STPG2: variants seen among roughly 807,000 people sequenced by gnomAD.
The protein encoded by STPG2 is sperm tail PG-rich repeat containing 2, also known as sperm-tail PG-rich repeat-containing protein 2.
Under a neutral mutation model 54.2 loss-of-function variants are expected in STPG2, and 56 were observed. The ratio of observed to expected loss-of-function variants is 1.03; its 90% CI spans 0.83 to 1.29. The LOEUF (loss-of-function observed/expected upper bound fraction) is 1.29, where lower values mean the gene tolerates loss of function less well. STPG2 is among the 50% of genes most tolerant of loss of function. STPG2 has a pLI of 0.00. For synonymous variants in STPG2, 200 were observed against 181.8 expected, an observed-to-expected ratio of 1.10 and a Z score of -0.81; for missense variants, 596 against 544.9, an observed-to-expected ratio of 1.09 and a Z score of -0.93.
chr4:97,967,871 G>A (rs530189369), intron 7 of STPG2, among the ~76,000 whole-genome samples: 1 of 152,046 alleles, frequency 6.6e-6, no homozygotes, highest in South Asian at 2.1e-4. Context: ...GGTGTAGAGG[G>A]AAATTTATAC....
At chr4:97,769,406 T>A (rs1038414892) in intron 9 of STPG2, among the ~76,000 whole-genome samples, 1 of 152,104 alleles carries the variant, frequency 6.6e-6, no homozygotes, top group African/African-American at 2.4e-5. Flanking sequence ...AACTTCCTCA[T>A]CAACCCCCAG....
chr4:97,694,637 T>C (rs2148991980), intron 10 of STPG2, among the ~76,000 whole-genome samples: 1 of 149,936 alleles, frequency 6.7e-6, no homozygotes, highest in Middle Eastern at 3.4e-3. Context: ...TGAAACCCCG[T>C]CTCTATTAAA....
At chr4:97,829,710 A>G (rs493780) in intron 9 of STPG2, among the ~76,000 whole-genome samples, 88,540 of 151,826 alleles carry the variant, frequency 0.58, 26,389 homozygotes, top group East Asian at 0.74. Flanking sequence ...AACACAGCAC[A>G]AGAATTTCAT....
At chr4:97,816,968 A>G (rs974608557) in intron 9 of STPG2, among the ~76,000 whole-genome samples, 17 of 147,390 alleles carry the variant, frequency 1.2e-4, no homozygotes, top group Non-Finnish European at 2.4e-4. Flanking sequence ...TATATTATAT[A>G]TTTTATATAT....
At chr4:97,758,823 T>C (rs1387852434) in intron 9 of STPG2, among the ~76,000 whole-genome samples, 4 of 152,116 alleles carry the variant, frequency 2.6e-5, no homozygotes, top group African/African-American at 9.7e-5. Flanking sequence ...GGTTTTATTT[T>C]GTTCTGGCAT....
At chr4:97,683,632 A>C (rs1174783321) in intron 10 of STPG2, among the ~76,000 whole-genome samples, 1 of 151,812 alleles carries the variant, frequency 6.6e-6, no homozygotes, top group Non-Finnish European at 1.5e-5. Context: ...CTTGAAAAAT[A>C]ACATCTACAA....
intron 10 of STPG2, among the ~76,000 whole-genome samples, chr4:97,645,847 A>G (rs556301764): frequency 2.6e-4 from 40 of 152,138 alleles, no homozygotes; most frequent in Non-Finnish European, 4.7e-4. Flanking sequence ...GATAAAAATT[A>G]GTACTGTAAA....
At chr4:97,589,761 C>T (rs1004919966) in intron 10 of STPG2, among the ~76,000 whole-genome samples, 1 of 152,158 alleles carries the variant, frequency 6.6e-6, no homozygotes, top group African/African-American at 2.4e-5. Flanking sequence ...ATTAAGTGCA[C>T]ATACAAGTGT....
intron 7 of STPG2, among the ~76,000 whole-genome samples, chr4:97,967,298 T>TCAA (rs1159139919): frequency 6.6e-6 from 1 of 151,836 alleles, no homozygotes; most frequent in Non-Finnish European, 1.5e-5. Flanking sequence ...AGGGATCAAT[T>TCAA]CAACAAAAAG....
intron 5 of STPG2, among the ~76,000 whole-genome samples, chr4:98,034,548 T>C (rs1736708114): frequency 6.6e-6 from 1 of 152,120 alleles, no homozygotes; most frequent in Admixed American, 6.6e-5. Context: ...GATTCAATGC[T>C]ATCCGCATCA....
intron 9 of STPG2, among the ~76,000 whole-genome samples, chr4:97,752,936 C>G (rs978078963): frequency 6.6e-6 from 1 of 151,782 alleles, no homozygotes; most frequent in Non-Finnish European, 1.5e-5. Context: ...CAGATGTAAA[C>G]TATCTCAATT....
chr4:97,735,891 T>C (rs1424327341), intron 9 of STPG2, among the ~76,000 whole-genome samples: 1 of 152,004 alleles, frequency 6.6e-6, no homozygotes, highest in East Asian at 1.9e-4. Flanking sequence ...AGGACCTAAG[T>C]AGATATTTCT....
At chr4:97,473,362 G>T (rs1169116771) in intron 4 of STPG2, among the ~76,000 whole-genome samples, 1 of 152,136 alleles carries the variant, frequency 6.6e-6, no homozygotes. Context: ...GCCCCTGAGG[G>T]TAGGCCTCGA....
chr4:98,089,702 A>T (rs561320070), intron 5 of STPG2, among the ~76,000 whole-genome samples: 1 of 138,294 alleles, frequency 7.2e-6, no homozygotes, highest in Non-Finnish European at 1.6e-5. Flanking sequence ...CGCTAGATCC[A>T]TGCCAACATC....
chr4:97,946,946 G>T (rs1303855441), intron 7 of STPG2, among the ~76,000 whole-genome samples: 1 of 152,060 alleles, frequency 6.6e-6, no homozygotes, highest in Non-Finnish European at 1.5e-5. Flanking sequence ...CTGGTATTTT[G>T]ATAGGAATTG....
intron 10 of STPG2, among the ~76,000 whole-genome samples, chr4:97,675,627 C>CTCTATTTTCTTCTTTGT (rs1478153625): frequency 6.6e-6 from 1 of 151,784 alleles, no homozygotes; most frequent in East Asian, 1.9e-4. Flanking sequence ...GAAATTGCAG[C>CTCTATTTTCTTCTTTGT]TCTATTTTCT....
intron 8 of STPG2, among the ~76,000 whole-genome samples, chr4:97,920,155 G>A (rs4605662): frequency 6.6e-6 from 1 of 152,194 alleles, no homozygotes; most frequent in African/African-American, 2.4e-5. Context: ...CTGGCTTACA[G>A]AATTTAAAAC....
chr4:97,671,701 G>A (rs1214848450), intron 10 of STPG2, among the ~76,000 whole-genome samples: 3 of 152,100 alleles, frequency 2.0e-5, no homozygotes, highest in Non-Finnish European at 2.9e-5. Context: ...CTGAATCCTT[G>A]CTTTGTTACT....
chr4:97,737,637 G>T (rs1725056278), intron 9 of STPG2, among the ~76,000 whole-genome samples: 1 of 152,160 alleles, frequency 6.6e-6, no homozygotes. Flanking sequence ...TGAATGAAAT[G>T]AAGCGAGAAG....
Sources: allele counts gnomAD v4.1 joint callset (sites outside exome capture counted in the v4.1 genomes callset), GRCh38; gene constraint gnomAD v4.1.1; transcripts MANE v1.5; gene names NCBI Gene and HGNC (gene_info 2026-07-23, HGNC 2026-07-21).